The following MTHFD2L variants were observed in gnomAD, a reference collection of about 807,000 sequenced individuals.
The protein encoded by MTHFD2L is bifunctional methylenetetrahydrofolate dehydrogenase/cyclohydrolase 2, mitochondrial.
In MTHFD2L, 29 loss-of-function variants were observed where a neutral mutation model predicts 34.9. The ratio of observed to expected loss-of-function variants is 0.83; its 90% CI spans 0.62 to 1.13. The LOEUF is 1.13. MTHFD2L is among the 50% of genes most tolerant of loss of function. The probability of loss-of-function intolerance (pLI) is 0.00; values close to 1 mark genes in which losing one functional copy is unlikely to be tolerated. For missense variants in MTHFD2L, 481 were observed against 446.5 expected, an observed-to-expected ratio of 1.08 and a Z score of -0.70; for synonymous variants, 167 against 155.7, an observed-to-expected ratio of 1.07 and a Z score of -0.54.
At chr4:74,227,588 C>T (rs1364425548) in intron 6 of MTHFD2L, among the ~76,000 whole-genome samples, 5 of 151,820 alleles carry the variant, frequency 3.3e-5, no homozygotes, top group African/African-American at 7.3e-5. Context: ...AGGTCTTTGA[C>T]GGCTTATTAT....
intron 5 of MTHFD2L, among the ~76,000 whole-genome samples, chr4:74,219,946 CCTGATATA>C (rs1243438117): frequency 6.6e-6 from 1 of 152,060 alleles, no homozygotes; most frequent in Non-Finnish European, 1.5e-5. Flanking sequence ...TGAAATTTAT[CCTGATATA>C]CTTTTCTTTT....
At chr4:74,189,116 A>G (rs1483326910) in intron 3 of MTHFD2L, among the ~76,000 whole-genome samples, 1 of 152,110 alleles carries the variant, frequency 6.6e-6, no homozygotes, top group African/African-American at 2.4e-5. Flanking sequence ...TGTTTGGGGT[A>G]GTAGATTTGC....
chr4:74,296,106 A>C (rs1316728777), intron 7 of MTHFD2L, among the ~76,000 whole-genome samples: 2 of 152,152 alleles, frequency 1.3e-5, no homozygotes, highest in Admixed American at 6.6e-5. Context: ...TTACGAATCT[A>C]TCTGGTCCAG....
chr4:74,257,404 C>T (rs1421235716), intron 6 of MTHFD2L, among the ~76,000 whole-genome samples: 4 of 152,076 alleles, frequency 2.6e-5, no homozygotes, highest in East Asian at 3.8e-4. Context: ...TCTTTAAGGA[C>T]ACACAGAGGC....
chr4:74,117,140 C>A lies in MTHFD2L; in HGVS notation c.-144+2483C>A, dbSNP rs187133775. The stretch of plus-strand genomic sequence containing the variant: ...ATTCTGAAGTCCTTGGGAAAGTCCA[C>A]AAGTGGACGGGGCTTCATAGCCATG... On this transcript the variant is annotated intron_variant and NMD_transcript_variant, in intron 2 of 9. Coordinates refer to the MTHFD2L transcript ENST00000429519. Among the ~76,000 whole-genome samples the A allele has an allele frequency of 2.1e-4, 32 of 152,298 alleles. No homozygotes were observed. The South Asian group carries it at 3.3e-3, about 16-fold the overall frequency.
chr4:74,260,968 G>T (rs541638521), intron 6 of MTHFD2L, among the ~76,000 whole-genome samples: 46 of 150,458 alleles, frequency 3.1e-4, no homozygotes, highest in African/African-American at 1.1e-3. Flanking sequence ...AATATTTGGT[G>T]CTTTAAAAAA....
At chr4:74,141,896 C>G (rs944845625) in intron 1 of MTHFD2L, among the ~76,000 whole-genome samples, 13 of 152,022 alleles carry the variant, frequency 8.6e-5, no homozygotes, top group African/African-American at 3.1e-4. Context: ...AGCAGTTACA[C>G]AGTTAAATAA....
chr4:74,130,210 G>C (rs1395214721), intron 1 of MTHFD2L, among the ~76,000 whole-genome samples: 2 of 152,070 alleles, frequency 1.3e-5, no homozygotes, highest in Non-Finnish European at 2.9e-5. Context: ...AATAGAAAAA[G>C]AGAGACTCCT....
chr4:74,199,949 T>G lies in MTHFD2L; in HGVS notation c.604+3T>G. Reference sequence around the variant, plus strand: ...TTGGGAAATAATAAAAAGAACAGGTTGGTAATTTGTGGTCTGCAGGACATG... The same window carrying G: ...TTGGGAAATAATAAAAAGAACAGGTGGGTAATTTGTGGTCTGCAGGACATG... On this transcript the variant is annotated splice_donor_region_variant and intron_variant, in intron 4 of 7. Coordinates refer to ENST00000325278, the MANE Select transcript of MTHFD2L (RefSeq NM_001144978.3). 1 of 1,613,822 alleles carries G rather than the reference T, an allele frequency of 6.2e-7. No individual in the cohort carries two copies. The highest frequency in any genetic ancestry group is 2.2e-5 in the East Asian group (1 of 44,824).
intron 3 of MTHFD2L, among the ~76,000 whole-genome samples, chr4:74,184,296 A>G (rs78271407): frequency 6.6e-6 from 1 of 152,214 alleles, no homozygotes; most frequent in African/African-American, 2.4e-5. Flanking sequence ...CACCTTAACT[A>G]TAAGGACACA....
chr4:74,223,116 A>G (rs913769882), intron 5 of MTHFD2L, among the ~76,000 whole-genome samples: 2 of 152,114 alleles, frequency 1.3e-5, no homozygotes, highest in Non-Finnish European at 2.9e-5. Flanking sequence ...TTGTTCTATC[A>G]TAGACACATG....
rs1466065096 is a variant in MTHFD2L, at chr4:74,249,383, A to G, written c.805+23989A>G. ...TTTGAGCCTATGTGTGTCTCTGCAC[A>G]TGAAATGGGTTTCCTGAATACAGCA... On this transcript the variant is annotated intron_variant, in intron 6 of 7. Coordinates refer to ENST00000325278, the MANE Select transcript of MTHFD2L (RefSeq NM_001144978.3). Among the ~76,000 whole-genome samples, 11 of 152,266 alleles carry G rather than the reference A, an allele frequency of 7.2e-5. 1 individual carries two copies. The highest frequency in any genetic ancestry group is 2.1e-4 in the South Asian group (1 of 4,822).
At position 74,167,010 on chromosome 4, in the gene MTHFD2L, C is replaced by G. The variant is rs1368112472; in HGVS notation, c.144-7496C>G. On this transcript the variant is annotated intron_variant, in intron 1 of 7. Transcript: ENST00000325278. Reference sequence around the variant, plus strand: ...AATGCCAGGCTGGTCCCCATGGACTCAGGCTCAAGACCTACCCCAGTGCCA... The same window carrying G: ...AATGCCAGGCTGGTCCCCATGGACTGAGGCTCAAGACCTACCCCAGTGCCA... Among the ~76,000 whole-genome samples, 6 of 151,948 alleles carry G rather than the reference C, an allele frequency of 3.9e-5. No homozygotes were observed. The East Asian group carries it at 9.7e-4, about 25-fold the overall frequency.
At chr4:74,216,361 A>G (rs1188397840) in intron 5 of MTHFD2L, among the ~76,000 whole-genome samples, 1 of 151,830 alleles carries the variant, frequency 6.6e-6, no homozygotes, top group African/African-American at 2.4e-5. Context: ...CCCAACACAG[A>G]TAAAAATTAA....
intron 6 of MTHFD2L, among the ~76,000 whole-genome samples, chr4:74,274,584 G>A (rs1174115411): frequency 3.3e-5 from 5 of 152,146 alleles, no homozygotes; most frequent in Admixed American, 2.0e-4. Context: ...ATTGAATGCT[G>A]GTTCCCCAAA....
At chr4:74,164,911 T>A in intron 1 of MTHFD2L, 1 of 947,832 alleles carries the variant, frequency 1.1e-6, no homozygotes, top group Non-Finnish European at 1.3e-6. Flanking sequence ...TTTTCTTGCC[T>A]TTAGGGGAAG....
intron 7 of MTHFD2L, among the ~76,000 whole-genome samples, chr4:74,284,740 T>C (rs1747940462): frequency 6.6e-6 from 1 of 152,076 alleles, no homozygotes; most frequent in Non-Finnish European, 1.5e-5. Context: ...TTTTACACGG[T>C]GGGACTGTAA....
At chr4:74,137,317 C>T (rs190280935) in intron 1 of MTHFD2L, among the ~76,000 whole-genome samples, 31 of 152,232 alleles carry the variant, frequency 2.0e-4, no homozygotes, top group African/African-American at 7.5e-4. Flanking sequence ...TCTGAATAGA[C>T]ACCTCTCAAA....
At chr4:74,131,077 G>A (rs1300577373) in intron 1 of MTHFD2L, among the ~76,000 whole-genome samples, 3 of 151,984 alleles carry the variant, frequency 2.0e-5, no homozygotes, top group Admixed American at 1.3e-4. Flanking sequence ...GCTGCTCAAG[G>A]AAATGAGAGG....
Sources: gnomAD v4.1 joint callset for allele counts (sites outside exome capture counted in the v4.1 genomes callset) on GRCh38, gnomAD v4.1.1 for gene constraint, MANE v1.5 for transcripts, NCBI Gene and HGNC (gene_info 2026-07-23, HGNC 2026-07-21) for gene names.